NELFE: variants seen among roughly 807,000 people sequenced by gnomAD.
The protein encoded by NELFE is negative elongation factor complex member E.
NELFE carries 26 observed loss-of-function variants against 55.5 expected under a neutral mutation model. The observed-to-expected ratio is 0.47, with a 90% CI of 0.34 to 0.65. The LOEUF (loss-of-function observed/expected upper bound fraction) is 0.65. Among genes scored for constraint, NELFE ranks in the 30% least tolerant of loss-of-function variants. The pLI, the probability that NELFE is intolerant of heterozygous loss-of-function variation, is 0.01. For synonymous variants in NELFE, 162 were observed against 178.0 expected, an observed-to-expected ratio of 0.91 and a Z score of 0.72; for missense variants, 403 against 506.9, an observed-to-expected ratio of 0.80 and a Z score of 1.97.
Position 31,954,102 on chromosome 6 carries a change from G to T in NELFE, c.920C>A (p.Ser307Ter). Reference sequence around the variant, plus strand: ...AACCTCAGCAACGGCCTGATCTGCTGACTCCATCTTTTCATAGGTGACGAA... The same window carrying T: ...AACCTCAGCAACGGCCTGATCTGCTTACTCCATCTTTTCATAGGTGACGAA... ...CAFVTYEKME[S>*]ADQAVAELNG... Residue 307 changes from serine (S) to a stop codon, truncating the protein, a stop_gained, in exon 9 of 11, where the codon TCA becomes TAA. Transcript: ENST00000375429. LOFTEE classifies it high-confidence loss of function. The surrounding 1 kb of genome is among the most constrained non-coding windows in gnomAD (Gnocchi z 5.5). 1.2e-6 allele frequency: 2 copies of T among 1,613,862 alleles called. No individual in the cohort carries two copies. The highest frequency in any genetic ancestry group is 1.7e-6 in the Non-Finnish European group (2 of 1,180,006).
intron 2 of NELFE, chr6:31,957,575 G>C (rs376680332): frequency 4.2e-5 from 16 of 380,992 alleles, no homozygotes; most frequent in Admixed American, 4.1e-4. Flanking sequence ...ACACAGAGAG[G>C]AGAAGGGTAT....
chr6:31,958,275 G>A (rs1448567486), intron 2 of NELFE, 97 bp downstream of exon 2: 1 of 1,116,606 alleles, frequency 9.0e-7, no homozygotes, highest in Non-Finnish European at 1.4e-6. Context: ...CTAGGTATGG[G>A]CCAGAAAAAC....
chr6:31,955,646 T>TA (rs1772042118), intron 4 of NELFE, among the ~76,000 whole-genome samples: 1 of 147,930 alleles, frequency 6.8e-6, no homozygotes. Flanking sequence ...TTTGTAGAGA[T>TA]AGGGTTTCAC....
In NELFE at chr6:31,955,105, G is replaced by A. The variant is rs1365311916; in HGVS notation, c.367-9C>T. 11 of 1,613,088 alleles carry A rather than the reference G, an allele frequency of 6.8e-6. No individual in the cohort carries two copies. Among genetic ancestry groups the A allele is most frequent in the Non-Finnish European group, 9.3e-6 (11 of 1,180,010 alleles). Reference sequence around the variant, plus strand: ...TGGGGACGTCTGGATGACTGTAAAAGAGACCAAGAACAGTTAAGATGATTT... The same window carrying A: ...TGGGGACGTCTGGATGACTGTAAAAAAGACCAAGAACAGTTAAGATGATTT... On this transcript the variant is annotated splice_polypyrimidine_tract_variant and intron_variant, in intron 5 of 10. Coordinates refer to ENST00000375429, the MANE Select transcript of NELFE (RefSeq NM_002904.6).
intron 10 of NELFE, among the ~76,000 whole-genome samples, chr6:31,952,854 T>C (rs1771850724): frequency 6.6e-6 from 1 of 152,210 alleles, no homozygotes; most frequent in Admixed American, 6.5e-5. Context: ...TAAGAAATGC[T>C]ACTAGCTCCA....
chr6:31,958,305 C>T, intron 2 of NELFE, 67 bp downstream of exon 2: 2 of 1,454,200 alleles, frequency 1.4e-6, no homozygotes, highest in Non-Finnish European at 1.9e-6. Context: ...CGCTCACACT[C>T]ACCCCATATC....
chr6:31,958,844 A>C (rs1772264801), intron 1 of NELFE, 48 bp downstream of exon 1: 1 of 628,332 alleles, frequency 1.6e-6, no homozygotes, highest in Non-Finnish European at 2.9e-6. Context: ...AGAACAGAGA[A>C]ACGGCTATGA....
chr6:31,953,589 C>T, intron 10 of NELFE, 140 bp downstream of exon 10: 1 of 725,186 alleles, frequency 1.4e-6, no homozygotes. Context: ...GACAGAGGAT[C>T]TGAAATTTTC....
At chr6:31,955,448 ATTT>A (rs72274522) in intron 4 of NELFE, among the ~76,000 whole-genome samples, 155 bp from the exon 5 acceptor site, 2 of 122,718 alleles carry the variant, frequency 1.6e-5, no homozygotes, top group Non-Finnish European at 1.8e-5. Flanking sequence ...GGTTTTACTT[ATTT>A]TTTTTTTTTT....
In NELFE at chr6:31,955,107, G is replaced by C. The variant is rs758205859; in HGVS notation, c.367-11C>G. 1 of 1,613,062 alleles carries C rather than the reference G, an allele frequency of 6.2e-7. No individual in the cohort carries two copies. On this transcript the variant is annotated splice_polypyrimidine_tract_variant and intron_variant, in intron 5 of 10. Transcript: ENST00000375429. ...GGGACGTCTGGATGACTGTAAAAGA[G>C]ACCAAGAACAGTTAAGATGATTTCC...
chr6:31,957,092 C>T (rs9267785), intron 2 of NELFE, 82 bp from the exon 3 acceptor site: 21,341 of 1,231,204 alleles, frequency 0.017, 358 homozygotes, highest in African/African-American at 0.046. Flanking sequence ...GGGCACATCA[C>T]TCCAGGGACC....
At chr6:31,956,661 GC>G (rs746328300) in intron 4 of NELFE, 31 bp downstream of exon 4, 3 of 1,570,182 alleles carry the variant, frequency 1.9e-6, no homozygotes, top group East Asian at 4.5e-5. Context: ...TTGGAGGGAT[GC>G]CCTTTAAACA....
rs1160638074 is a variant in NELFE, at chr6:31,954,974, A to G, written c.405-82T>C. On this transcript the variant is annotated intron_variant, in intron 6 of 10. Coordinates refer to ENST00000375429, the MANE Select transcript of NELFE (RefSeq NM_002904.6). This position sits in a 1 kb window ranked among gnomAD's most constrained non-coding sequence, Gnocchi z 5.5. The stretch of plus-strand genomic sequence containing the variant: ...TGTGGAGACTCAATATTCCCTCTAT[A>G]GCCCAGCTCCTACAGCCCAAACCTC... 7 of 1,612,820 alleles carry G rather than the reference A, an allele frequency of 4.3e-6. No homozygotes were observed. The African/African-American group carries it at 5.3e-5, about 12-fold the overall frequency.
At chr6:31,958,732 C>A (rs961400065) in intron 1 of NELFE, 160 bp downstream of exon 1, 26 of 702,022 alleles carry the variant, frequency 3.7e-5, no homozygotes, top group Non-Finnish European at 6.0e-5. Flanking sequence ...GACGATGGCA[C>A]CCGACCCCCC....
rs1562643629 is a variant in NELFE, at chr6:31,956,542, G to A, written c.291+151C>T. On this transcript the variant is annotated intron_variant, in intron 4 of 10. Coordinates refer to ENST00000375429, the MANE Select transcript of NELFE (RefSeq NM_002904.6). The stretch of plus-strand genomic sequence containing the variant: ...AATTTGTAAAATGGAGAATTCAGGA[G>A]TCGTCTAGTTTTTTCATTTTATACA... The A allele has an allele frequency of 9.0e-6, 7 of 776,716 alleles. No individual in the cohort carries two copies. In the East Asian group the frequency reaches 1.6e-4, roughly 18 times the overall value. 48.1% of individuals were successfully genotyped at this position (776,716 alleles called of 1,614,324 possible).
At chr6:31,957,049 C>T in intron 2 of NELFE, 39 bp from the exon 3 acceptor site, 3 of 1,559,872 alleles carry the variant, frequency 1.9e-6, no homozygotes, top group Non-Finnish European at 1.7e-6. Context: ...AAGTGAGGGC[C>T]AGCCCCTAGC....
Position 31,954,493 on chromosome 6 carries a change from C to T in NELFE, c.743-51G>A. The T allele has an allele frequency of 6.3e-7, 1 of 1,579,388 alleles. No individual in the cohort carries two copies. The highest frequency in any genetic ancestry group is 8.6e-7 in the Non-Finnish European group (1 of 1,159,968). ...AAGACATAGACCATGCCACATTTCA[C>T]TTAGTAGGACCCACATAAACCTCAG... is the stretch of plus-strand genomic sequence containing the variant. On this transcript the variant is annotated intron_variant, in intron 7 of 10. Coordinates refer to ENST00000375429, the MANE Select transcript of NELFE (RefSeq NM_002904.6). The surrounding 1 kb of genome is among the most constrained non-coding windows in gnomAD (Gnocchi z 5.5).
At chr6:31,953,617 C>A in intron 10 of NELFE, 112 bp downstream of exon 10, 1 of 889,880 alleles carries the variant, frequency 1.1e-6, no homozygotes, top group Admixed American at 1.7e-5. Context: ...TTCCCATAGC[C>A]TCCGCACACA....
chr6:31,957,022 G>A lies in NELFE; in HGVS notation c.76-12C>T, dbSNP rs772963509. ...AGCAATGCCTTTTTCTGGGAACAAG[G>A]GTGAGAAGAGAGAGGTAAGTGAGGG... On this transcript the variant is annotated splice_polypyrimidine_tract_variant and intron_variant, in intron 2 of 10. Transcript: ENST00000375429. 1 of 1,590,228 alleles carries A rather than the reference G, an allele frequency of 6.3e-7. No homozygotes were observed.
Sources: allele counts gnomAD v4.1 joint callset (sites outside exome capture counted in the v4.1 genomes callset), GRCh38; gene constraint gnomAD v4.1.1; non-coding constraint Gnocchi (gnomAD v3.1); transcripts MANE v1.5; gene names NCBI Gene and HGNC (gene_info 2026-07-23, HGNC 2026-07-21).